The following SDK1 variants were observed in gnomAD, a reference collection of about 807,000 sequenced individuals.
SDK1 encodes protein sidekick-1.
A neutral mutation model predicts 245.5 loss-of-function variants in SDK1; 157 were observed. The observed-to-expected ratio is 0.64, with a 90% CI of 0.56 to 0.73. The LOEUF (loss-of-function observed/expected upper bound fraction) is 0.73. Among genes scored for constraint, SDK1 ranks in the 30% least tolerant of loss-of-function variants. The probability of loss-of-function intolerance (pLI) is 0.00; values close to 1 mark genes in which losing one functional copy is unlikely to be tolerated. For synonymous variants in SDK1, 1,647 were observed against 1,278.5 expected, an observed-to-expected ratio of 1.29 and a Z score of -6.15; for missense variants, 3,583 against 3,002.3, an observed-to-expected ratio of 1.19 and a Z score of -4.52.
chr7:4,064,489 A>G (rs115061462), intron 19 of SDK1, among the ~76,000 whole-genome samples: 2,216 of 152,310 alleles, frequency 0.015, 53 homozygotes, highest in African/African-American at 0.05. Flanking sequence ...TAGTACAGCC[A>G]CAATGGAAAA....
chr7:4,026,863 G>A lies in SDK1; in HGVS notation c.2602+9511G>A, dbSNP rs757989126. ...TACACCCACCCAGCGGTGTGCGGCCGGTGACTCTACCAGGTAACGAACTCA... is the reference window on the plus strand; with the variant it reads ...TACACCCACCCAGCGGTGTGCGGCCAGTGACTCTACCAGGTAACGAACTCA... On this transcript the variant is annotated intron_variant, in intron 17 of 44. Coordinates refer to ENST00000404826, the MANE Select transcript of SDK1 (RefSeq NM_152744.4). The surrounding 1 kb of genome is among the most constrained non-coding windows in gnomAD (Gnocchi z 4.1). Among the ~76,000 whole-genome samples, 15 of 152,166 alleles carry A rather than the reference G, an allele frequency of 9.9e-5. No homozygotes were observed. The highest frequency in any genetic ancestry group is 1.5e-4 in the Non-Finnish European group (10 of 68,030).
intron 4 of SDK1, among the ~76,000 whole-genome samples, chr7:3,725,720 A>G (rs1778987664): frequency 6.6e-6 from 1 of 152,200 alleles, no homozygotes; most frequent in South Asian, 2.1e-4. Flanking sequence ...CAGTTGCCGG[A>G]AGCCAAGACC....
chr7:3,651,554 A>G (rs186342556), intron 4 of SDK1, among the ~76,000 whole-genome samples: 4 of 152,336 alleles, frequency 2.6e-5, no homozygotes, highest in African/African-American at 9.6e-5. Flanking sequence ...AGGAAGGCCA[A>G]GAGATCTAGA....
intron 1 of SDK1, among the ~76,000 whole-genome samples, chr7:3,557,164 A>T (rs540897849): frequency 1.8e-4 from 27 of 152,282 alleles, no homozygotes; most frequent in African/African-American, 6.0e-4. Context: ...ATGTATCAAA[A>T]ACCTGGTCCT....
chr7:4,012,277 G>A, intron 16 of SDK1, 42 bp downstream of exon 16: 1 of 1,434,122 alleles, frequency 7.0e-7, no homozygotes, highest in Non-Finnish European at 9.2e-7. Flanking sequence ...CGCCATTAGA[G>A]TTGAGCGTCG....
At chr7:3,789,297 G>A (rs192919150) in intron 4 of SDK1, among the ~76,000 whole-genome samples, 19 of 152,190 alleles carry the variant, frequency 1.2e-4, no homozygotes, top group Admixed American at 9.2e-4. Flanking sequence ...CCAGGCATGC[G>A]CCACCACGCC....
At chr7:4,205,757 G>A in intron 35 of SDK1, 122 bp from the exon 36 acceptor site, 3 of 799,712 alleles carry the variant, frequency 3.8e-6, no homozygotes, top group Non-Finnish European at 6.2e-6. Context: ...GCCCAGGGAA[G>A]AATCTCTCAC....
rs144399003 is a variant in SDK1, at chr7:3,974,369, C to T, written c.1818C>T (p.Arg606=). The change falls in exon 13 of 45, where the codon CGC becomes CGT. Residue 606 remains arginine (R), a splice_region_variant and synonymous_variant. Coordinates refer to ENST00000404826, the MANE Select transcript of SDK1 (RefSeq NM_152744.4). The part of the protein sequence containing the change: ...GATHDPRVSL[R]YVWKKDNVAL... Reference sequence around the variant, plus strand: ...TCAAGACCCTTTGCTTGGCCCACAGCTACGTTTGGAAGAAGGACAACGTGG... The same window carrying T: ...TCAAGACCCTTTGCTTGGCCCACAGTTACGTTTGGAAGAAGGACAACGTGG... 1 of 1,611,064 alleles carries T rather than the reference C, an allele frequency of 6.2e-7. No homozygotes were observed. The highest frequency in any genetic ancestry group is 8.5e-7 in the Non-Finnish European group (1 of 1,177,550).
chr7:4,115,442 G>C (rs138098830), intron 25 of SDK1, among the ~76,000 whole-genome samples: 1 of 152,186 alleles, frequency 6.6e-6, no homozygotes, highest in Non-Finnish European at 1.5e-5. Context: ...TTCCCCCAGG[G>C]AGCCTAGATC....
chr7:4,117,537 C>G (rs754021415), intron 25 of SDK1, among the ~76,000 whole-genome samples: 1 of 152,214 alleles, frequency 6.6e-6, no homozygotes, highest in East Asian at 1.9e-4. Flanking sequence ...CCTCAGGTGT[C>G]AGAGGCATAA....
At chr7:3,747,753 G>A (rs1024068478) in intron 4 of SDK1, among the ~76,000 whole-genome samples, 1 of 151,926 alleles carries the variant, frequency 6.6e-6, no homozygotes, top group Non-Finnish European at 1.5e-5. Context: ...GTTGATGAAT[G>A]TTGAAACGCA....
At chr7:3,354,242 C>A (rs1020771343) in intron 1 of SDK1, among the ~76,000 whole-genome samples, 1 of 151,888 alleles carries the variant, frequency 6.6e-6, no homozygotes, top group African/African-American at 2.4e-5. Flanking sequence ...TCATGATCTG[C>A]CTGCCTTGGC....
chr7:4,166,849 C>A (rs1359521308), intron 32 of SDK1, among the ~76,000 whole-genome samples: 1 of 152,218 alleles, frequency 6.6e-6, no homozygotes, highest in Non-Finnish European at 1.5e-5. Context: ...TGCTCCCCTA[C>A]CTCAGCAGAG....
chr7:4,183,242 G>T lies in SDK1; in HGVS notation c.5098+4656G>T, dbSNP rs1464106513. On this transcript the variant is annotated intron_variant, in intron 35 of 44. Coordinates refer to ENST00000404826, the MANE Select transcript of SDK1 (RefSeq NM_152744.4). Reference sequence around the variant, plus strand: ...TGAAAAGCATCTCAAAAGATCAATTGTAGTTTCTATAATAGTGATGTTATC... The same window carrying T: ...TGAAAAGCATCTCAAAAGATCAATTTTAGTTTCTATAATAGTGATGTTATC... Among the ~76,000 whole-genome samples the T allele has an allele frequency of 2.0e-5, 3 of 152,164 alleles. No homozygotes were observed. The East Asian group carries it at 5.8e-4, about 29-fold the overall frequency.
At chr7:3,709,123 G>C in intron 4 of SDK1, among the ~76,000 whole-genome samples, 1 of 152,110 alleles carries the variant, frequency 6.6e-6, no homozygotes, top group East Asian at 1.9e-4. Context: ...ATTTCTTGTA[G>C]GGCTGGCCTG....
intron 20 of SDK1, among the ~76,000 whole-genome samples, chr7:4,075,409 T>C (rs1780605147): frequency 6.6e-6 from 1 of 152,184 alleles, no homozygotes; most frequent in African/African-American, 2.4e-5. Flanking sequence ...CTCCTAGCTT[T>C]ATTTATTGCT....
chr7:3,737,358 C>T (rs528400630), intron 4 of SDK1, among the ~76,000 whole-genome samples: 3 of 152,330 alleles, frequency 2.0e-5, no homozygotes, highest in Non-Finnish European at 2.9e-5. Context: ...GAACTCTGTG[C>T]CCTGGGTGGT....
intron 1 of SDK1, among the ~76,000 whole-genome samples, chr7:3,611,462 C>G (rs1781585546): frequency 6.6e-6 from 1 of 152,172 alleles, no homozygotes; most frequent in African/African-American, 2.4e-5. Context: ...CTGCCCTGTC[C>G]TCACTGCCTT....
chr7:4,015,743 C>A (rs759242579), intron 16 of SDK1, among the ~76,000 whole-genome samples: 1 of 152,206 alleles, frequency 6.6e-6, no homozygotes, highest in Non-Finnish European at 1.5e-5. Context: ...TTCCCTGAGT[C>A]TCCCACCAGG....
Sources: gnomAD v4.1 joint callset for allele counts (sites outside exome capture counted in the v4.1 genomes callset) on GRCh38, gnomAD v4.1.1 for gene constraint, Gnocchi (gnomAD v3.1) non-coding constraint, MANE v1.5 for transcripts, NCBI Gene and HGNC (gene_info 2026-07-23, HGNC 2026-07-21) for gene names.